CNTN5: variants seen among roughly 807,000 people sequenced by gnomAD.
The protein encoded by CNTN5 is contactin-5.
CNTN5 carries 77 observed loss-of-function variants against 129.1 expected under a neutral mutation model. That is an observed-to-expected ratio of 0.60 (90% CI 0.50 to 0.72). CNTN5 has a LOEUF of 0.72. Ranked by LOEUF, CNTN5 falls within the 30% of genes least tolerant of loss-of-function variation. CNTN5 has a pLI of 0.00. For missense variants in CNTN5, 1,478 were observed against 1,328.8 expected (o/e 1.11, Z -1.75); for synonymous variants, 509 against 465.6 (o/e 1.09, Z -1.20).
intron 1 of CNTN5, among the ~76,000 whole-genome samples, chr11:99,022,100 A>C (rs1283865639): frequency 1.3e-5 from 2 of 152,182 alleles, no homozygotes; most frequent in South Asian, 2.1e-4. Flanking sequence ...GAAGCAAAAA[A>C]CTTTTAAACT....
chr11:99,774,798 C>A (rs759816939), intron 3 of CNTN5, among the ~76,000 whole-genome samples: 9 of 151,994 alleles, frequency 5.9e-5, no homozygotes, highest in Non-Finnish European at 1.2e-4. Context: ...TTTCTGGCTA[C>A]CCATAATAAA....
chr11:99,312,838 C>T (rs1258031749), intron 1 of CNTN5, among the ~76,000 whole-genome samples: 2 of 150,596 alleles, frequency 1.3e-5, no homozygotes, highest in East Asian at 1.9e-4. Context: ...CCAGGAGCCT[C>T]AGCAAATAAA....
chr11:99,397,041 G>A (rs145396244), intron 2 of CNTN5, among the ~76,000 whole-genome samples: 1 of 151,878 alleles, frequency 6.6e-6, no homozygotes, highest in Non-Finnish European at 1.5e-5. Context: ...TAGATAGGAA[G>A]ATACAAAGTC....
intron 8 of CNTN5, among the ~76,000 whole-genome samples, chr11:99,982,733 C>T (rs1032579650): frequency 4.1e-4 from 63 of 152,192 alleles, no homozygotes; most frequent in African/African-American, 9.9e-4. Context: ...TTCATCCTCC[C>T]GGGTTCACGC....
intron 13 of CNTN5, among the ~76,000 whole-genome samples, chr11:100,102,097 A>G (rs777467028): frequency 9.9e-5 from 15 of 152,126 alleles, no homozygotes; most frequent in Non-Finnish European, 1.9e-4. Flanking sequence ...ACCCAGTAGT[A>G]GGATTGCTGA....
intron 2 of CNTN5, among the ~76,000 whole-genome samples, chr11:99,331,641 A>G (rs1017057784): frequency 1.3e-5 from 2 of 152,210 alleles, no homozygotes; most frequent in African/African-American, 4.8e-5. Context: ...TTACTTTTAC[A>G]TATCTGCAGT....
chr11:99,784,586 C>T (rs1485396392), intron 3 of CNTN5, among the ~76,000 whole-genome samples: 1 of 151,994 alleles, frequency 6.6e-6, no homozygotes, highest in Non-Finnish European at 1.5e-5. Flanking sequence ...TGGGTATATA[C>T]CCAGTCATAG....
Position 99,960,473 on chromosome 11 carries a change from T to G in CNTN5, c.877+3464T>G, listed in dbSNP as rs539966788. Among the ~76,000 whole-genome samples the G allele has an allele frequency of 4.2e-4, 64 of 152,278 alleles. 1 individual carries two copies. The highest frequency in any genetic ancestry group is 1.4e-3 in the African/African-American group (58 of 41,590). Reference sequence around the variant, plus strand: ...GGAAAATCAATAAATATCTACAGATTATTAATATATAATTATGACTTAATA... The same window carrying G: ...GGAAAATCAATAAATATCTACAGATGATTAATATATAATTATGACTTAATA... On this transcript the variant is annotated intron_variant, in intron 8 of 24. Coordinates refer to ENST00000524871, the MANE Select transcript of CNTN5 (RefSeq NM_014361.4).
chr11:99,423,760 C>T (rs574911629), intron 2 of CNTN5, among the ~76,000 whole-genome samples: 1 of 149,904 alleles, frequency 6.7e-6, no homozygotes, highest in East Asian at 2.0e-4. Context: ...CTGGTGATGC[C>T]AATGCCATTT....
intron 2 of CNTN5, among the ~76,000 whole-genome samples, chr11:99,540,889 A>T (rs11220371): frequency 0.054 from 8,259 of 152,286 alleles, 309 homozygotes; most frequent in Non-Finnish European, 0.077. Flanking sequence ...TAACGAATTT[A>T]GAAGTATCTT....
intron 4 of CNTN5, among the ~76,000 whole-genome samples, chr11:99,839,438 A>C (rs2135664873): frequency 6.6e-6 from 1 of 152,170 alleles, no homozygotes; most frequent in Non-Finnish European, 1.5e-5. Flanking sequence ...TTTCAATCTA[A>C]GTTTTTGTAT....
At chr11:100,055,089 G>A (rs1202578547) in intron 9 of CNTN5, among the ~76,000 whole-genome samples, 1 of 146,374 alleles carries the variant, frequency 6.8e-6, no homozygotes, top group Non-Finnish European at 1.5e-5. Flanking sequence ...AAACAAAAAG[G>A]ATTTTGGAAA....
chr11:99,433,585 C>T (rs1437486329), intron 2 of CNTN5, among the ~76,000 whole-genome samples: 6 of 152,018 alleles, frequency 3.9e-5, no homozygotes, highest in African/African-American at 1.4e-4. Flanking sequence ...CTAATCTTCT[C>T]TGATAGGTAT....
chr11:99,144,719 T>C (rs1246049152), intron 1 of CNTN5, among the ~76,000 whole-genome samples: 2 of 152,176 alleles, frequency 1.3e-5, no homozygotes, highest in African/African-American at 4.8e-5. Flanking sequence ...AAGCTTATTA[T>C]ATTTTCTATT....
At chr11:100,043,758 C>T (rs1942500252) in intron 9 of CNTN5, among the ~76,000 whole-genome samples, 2 of 152,298 alleles carry the variant, frequency 1.3e-5, no homozygotes, top group Admixed American at 6.5e-5. Context: ...CCTCACCTTC[C>T]TGTCTAACAT....
intron 2 of CNTN5, among the ~76,000 whole-genome samples, chr11:99,358,217 T>C (rs1591568678): frequency 8.4e-6 from 1 of 118,370 alleles, no homozygotes; most frequent in South Asian, 3.8e-4. Context: ...GCCTCCCAAG[T>C]AGCTGGGACT....
chr11:99,634,968 GAAATAGAT>G (rs1474285720), intron 3 of CNTN5, among the ~76,000 whole-genome samples: 1 of 152,240 alleles, frequency 6.6e-6, no homozygotes, highest in South Asian at 2.1e-4. Flanking sequence ...ATGAAAATAG[GAAATAGAT>G]AAATAGAAGA....
At chr11:99,302,504 T>C (rs1864688153) in intron 1 of CNTN5, among the ~76,000 whole-genome samples, 1 of 151,812 alleles carries the variant, frequency 6.6e-6, no homozygotes, top group Non-Finnish European at 1.5e-5. Flanking sequence ...GGTATGCTGT[T>C]TATATTTTTA....
chr11:100,253,965 T>G (rs1291594954), intron 16 of CNTN5, among the ~76,000 whole-genome samples: 1 of 152,014 alleles, frequency 6.6e-6, no homozygotes, highest in Non-Finnish European at 1.5e-5. Context: ...CTTGACTCCT[T>G]TTTTTTATTC....
Sources: allele counts gnomAD v4.1 joint callset (sites outside exome capture counted in the v4.1 genomes callset), GRCh38; gene constraint gnomAD v4.1.1; transcripts MANE v1.5; gene names NCBI Gene and HGNC (gene_info 2026-07-23, HGNC 2026-07-21).